Variants in MGAT4C observed in about 807,000 individuals in gnomAD.
The protein encoded by MGAT4C is alpha-1,3-mannosyl-glycoprotein 4-beta-N-acetylglucosaminyltransferase C.
MGAT4C carries 19 observed loss-of-function variants against 40.1 expected under a neutral mutation model. The observed-to-expected ratio is 0.47, with a 90% confidence interval of 0.33 to 0.70. The LOEUF (loss-of-function observed/expected upper bound fraction) is 0.70. Ranked by LOEUF, MGAT4C falls within the 30% of genes least tolerant of loss-of-function variation. The probability of loss-of-function intolerance (pLI) is 0.02; values close to 1 mark genes in which losing one functional copy is unlikely to be tolerated. For missense variants in MGAT4C, 491 were observed against 563.2 expected (o/e 0.87, Z 1.30); for synonymous variants, 181 against 187.1 (o/e 0.97, Z 0.27).
intron 4 of MGAT4C, among the ~76,000 whole-genome samples, chr12:86,278,010 T>G (rs1385541854): frequency 2.0e-5 from 3 of 152,130 alleles, no homozygotes; most frequent in Non-Finnish European, 4.4e-5. Context: ...AACAATATTC[T>G]TACAATCCAG....
chr12:86,233,552 G>A (rs978605027), intron 1 of MGAT4C, among the ~76,000 whole-genome samples: 4 of 152,114 alleles, frequency 2.6e-5, no homozygotes, highest in Admixed American at 6.5e-5. Flanking sequence ...ATATTTTGTT[G>A]GTGAATTCCA....
At chr12:86,067,211 T>C (rs1238493785) in intron 1 of MGAT4C, among the ~76,000 whole-genome samples, 1 of 152,204 alleles carries the variant, frequency 6.6e-6, no homozygotes, top group Non-Finnish European at 1.5e-5. Context: ...TTACTGGGTA[T>C]ATACCCAAAG....
chr12:86,029,017 A>G (rs1297251745), intron 2 of MGAT4C, among the ~76,000 whole-genome samples: 1 of 151,810 alleles, frequency 6.6e-6, no homozygotes, highest in African/African-American at 2.4e-5. Flanking sequence ...TGGTCTTTTG[A>G]CTGACATTTA....
intron 1 of MGAT4C, among the ~76,000 whole-genome samples, chr12:86,053,555 T>C (rs1479716561): frequency 6.6e-6 from 1 of 151,726 alleles, no homozygotes; most frequent in African/African-American, 2.4e-5. Flanking sequence ...CCCAAAAGCA[T>C]AGAAACCAAA....
chr12:86,687,345 G>A (rs1383989252), intron 2 of MGAT4C, among the ~76,000 whole-genome samples: 1 of 150,190 alleles, frequency 6.7e-6, no homozygotes, highest in Non-Finnish European at 1.5e-5. Flanking sequence ...CTTCAGTTCT[G>A]CTGTGATCTT....
intron 2 of MGAT4C, among the ~76,000 whole-genome samples, chr12:85,996,253 C>A (rs1225688491): frequency 6.6e-6 from 1 of 151,818 alleles, no homozygotes; most frequent in East Asian, 1.9e-4. Context: ...AATAGAAGAA[C>A]AATGATAATT....
Position 85,971,114 on chromosome 12 carries a change from TTAA to T in MGAT4C, c.*8172_*8174del, listed in dbSNP as rs1883602734. ...AAAAATTAGTGCATTTATAATAAAT[TTAA>T]TTATTCATAAAAAATTAACATTGAT... On this transcript the variant is annotated 3_prime_UTR_variant, in exon 5 of 5. Transcript: ENST00000611864. The T allele has an allele frequency of 2.0e-5, 3 of 151,192 alleles. No homozygotes were observed. The highest frequency in any genetic ancestry group is 7.3e-5 in the African/African-American group (3 of 41,348). 9.4% of individuals were successfully genotyped at this position (151,192 alleles called of 1,614,324 possible).
intron 1 of MGAT4C, among the ~76,000 whole-genome samples, chr12:86,124,859 T>C (rs1879994153): frequency 6.6e-6 from 1 of 152,112 alleles, no homozygotes; most frequent in Non-Finnish European, 1.5e-5. Context: ...CCTGTAGAGG[T>C]GAGGGCATAT....
chr12:86,616,418 C>G (rs866105953), intron 2 of MGAT4C, among the ~76,000 whole-genome samples: 77 of 151,990 alleles, frequency 5.1e-4, no homozygotes, highest in African/African-American at 1.7e-3. Flanking sequence ...CATAGGTAAC[C>G]GTAAGTAACA....
chr12:86,430,075 T>C (rs371725346), intron 3 of MGAT4C, among the ~76,000 whole-genome samples: 1 of 152,214 alleles, frequency 6.6e-6, no homozygotes, highest in East Asian at 1.9e-4. Context: ...ACAGTCATTG[T>C]ATTCTTCATC....
chr12:86,311,727 A>T (rs1270749367), intron 4 of MGAT4C, among the ~76,000 whole-genome samples: 2 of 152,164 alleles, frequency 1.3e-5, no homozygotes, highest in Non-Finnish European at 2.9e-5. Flanking sequence ...AGAAGGTTTG[A>T]TGGGACATGG....
upstream of MGAT4C, among the ~76,000 whole-genome samples, chr12:86,260,703 A>C (rs1236138814): frequency 6.6e-6 from 1 of 152,060 alleles, no homozygotes; most frequent in African/African-American, 2.4e-5. Flanking sequence ...TATTTTATGC[A>C]CCATGACAAG....
chr12:86,227,259 A>C (rs1370604166), intron 1 of MGAT4C, among the ~76,000 whole-genome samples: 3 of 151,854 alleles, frequency 2.0e-5, no homozygotes, highest in African/African-American at 7.2e-5. Context: ...AAAACTTCCA[A>C]ATAATGCAGT....
At chr12:86,807,175 T>C (rs1014953839) in intron 1 of MGAT4C, among the ~76,000 whole-genome samples, 3 of 152,060 alleles carry the variant, frequency 2.0e-5, no homozygotes, top group Admixed American at 6.6e-5. Flanking sequence ...GTCTGTTACA[T>C]AGGTAAACAT....
At chr12:86,388,941 C>G (rs962889336) in intron 3 of MGAT4C, among the ~76,000 whole-genome samples, 3 of 152,074 alleles carry the variant, frequency 2.0e-5, no homozygotes, top group Non-Finnish European at 2.9e-5. Context: ...GCCTCGGCCT[C>G]CCAAAGTGCT....
At chr12:86,604,594 C>A (rs1237075555) in intron 2 of MGAT4C, among the ~76,000 whole-genome samples, 2 of 152,106 alleles carry the variant, frequency 1.3e-5, no homozygotes, top group Non-Finnish European at 2.9e-5. Flanking sequence ...ACATAAACTA[C>A]ACACTCATTC....
chr12:86,420,811 A>G (rs374708054), intron 3 of MGAT4C, among the ~76,000 whole-genome samples: 21 of 148,762 alleles, frequency 1.4e-4, no homozygotes, highest in East Asian at 2.0e-4. Flanking sequence ...ACACATATAT[A>G]TGTGTGTGTG....
At chr12:86,452,871 A>G (rs1026170081) in intron 2 of MGAT4C, among the ~76,000 whole-genome samples, 3 of 152,072 alleles carry the variant, frequency 2.0e-5, no homozygotes, top group Non-Finnish European at 4.4e-5. Context: ...ATTAGCAAAA[A>G]CCATACAGAA....
intron 1 of MGAT4C, among the ~76,000 whole-genome samples, chr12:86,747,782 T>C (rs74600343): frequency 2.7e-5 from 4 of 150,866 alleles, no homozygotes; most frequent in Non-Finnish European, 3.0e-5. Flanking sequence ...TTTTTTTTTT[T>C]AAAAAAAAGC....
Sources: allele counts gnomAD v4.1 joint callset (sites outside exome capture counted in the v4.1 genomes callset), GRCh38; gene constraint gnomAD v4.1.1; transcripts MANE v1.5; gene names NCBI Gene and HGNC (gene_info 2026-07-23, HGNC 2026-07-21).